Variants in ITGA8 observed in about 807,000 individuals in gnomAD.
The protein encoded by ITGA8 is integrin alpha-8.
ITGA8 carries 91 observed loss-of-function variants against 142.3 expected under a neutral mutation model. The observed-to-expected ratio is 0.64, with a 90% CI of 0.54 to 0.76. The LOEUF is 0.76. Ranked by LOEUF, ITGA8 falls within the 30% of genes least tolerant of loss-of-function variation. The pLI is 0.00. For missense variants in ITGA8, 1,406 were observed against 1,327.7 expected, an observed-to-expected ratio of 1.06 and a Z score of -0.92; for synonymous variants, 505 against 485.2, an observed-to-expected ratio of 1.04 and a Z score of -0.54.
chr10:15,715,622 T>C (rs568805428), intron 2 of ITGA8, among the ~76,000 whole-genome samples: 36 of 152,358 alleles, frequency 2.4e-4, no homozygotes, highest in African/African-American at 7.9e-4. Flanking sequence ...AGAAACAATG[T>C]GTGTACCGTG....
At chr10:15,517,354 G>C (rs970268716) in intron 29 of ITGA8, 110 bp from the exon 30 acceptor site, 1 of 617,210 alleles carries the variant, frequency 1.6e-6, no homozygotes. Context: ...ACTGAGTCTC[G>C]CTCTCTATTC....
intron 21 of ITGA8, among the ~76,000 whole-genome samples, chr10:15,596,005 C>T (rs1337624512): frequency 1.3e-5 from 2 of 152,166 alleles, no homozygotes; most frequent in African/African-American, 2.4e-5. Context: ...GAGCTAAGAT[C>T]GTGCCATTGC....
chr10:15,717,486 A>T (rs997894846), intron 2 of ITGA8, among the ~76,000 whole-genome samples: 7 of 152,210 alleles, frequency 4.6e-5, no homozygotes, highest in Non-Finnish European at 1.0e-4. Context: ...ATAACTAATT[A>T]AAAGATTTCT....
At chr10:15,637,124 G>A (rs951994619) in intron 13 of ITGA8, among the ~76,000 whole-genome samples, 10 of 152,172 alleles carry the variant, frequency 6.6e-5, no homozygotes, top group African/African-American at 2.4e-4. Flanking sequence ...CAACCTGGGC[G>A]ATAGAGTGAG....
intron 25 of ITGA8, 42 bp downstream of exon 25, chr10:15,572,169 A>G: frequency 6.7e-7 from 1 of 1,488,856 alleles, no homozygotes. Context: ...TCATACCATA[A>G]AAATAAAATC....
chr10:15,710,171 A>C (rs966851220), intron 2 of ITGA8, among the ~76,000 whole-genome samples: 1 of 152,194 alleles, frequency 6.6e-6, no homozygotes, highest in East Asian at 1.9e-4. Flanking sequence ...TTTTAATCAC[A>C]TTTCCCAAAG....
chr10:15,560,294 A>C (rs994059489), intron 25 of ITGA8, among the ~76,000 whole-genome samples: 1 of 152,202 alleles, frequency 6.6e-6, no homozygotes, highest in East Asian at 1.9e-4. Context: ...AAAAATAAAA[A>C]GAAAAAAAGA....
At position 15,696,376 on chromosome 10, in the gene ITGA8, A is replaced by C. The variant is rs1343982797; in HGVS notation, c.344-8338T>G. On this transcript the variant is annotated intron_variant, in intron 2 of 29. Coordinates refer to ENST00000378076, the MANE Select transcript of ITGA8 (RefSeq NM_003638.3). ...AAACCAAAGTGAAAATTTTTCAAGA[A>C]TAGGAGGAATATATGTAATATGTAA... Among the ~76,000 whole-genome samples, 3 of 152,232 alleles carry C rather than the reference A, an allele frequency of 2.0e-5. No homozygotes were observed. The East Asian group carries it at 5.8e-4, about 29-fold the overall frequency.
chr10:15,569,695 C>T (rs768188978), intron 25 of ITGA8, among the ~76,000 whole-genome samples: 24 of 152,158 alleles, frequency 1.6e-4, no homozygotes, highest in Admixed American at 2.6e-4. Flanking sequence ...CTACAAACAT[C>T]GCTGTGCCTG....
At chr10:15,671,567 C>G (rs779769721) in intron 8 of ITGA8, 36 bp downstream of exon 8, 1 of 1,571,214 alleles carries the variant, frequency 6.4e-7, no homozygotes, top group Non-Finnish European at 8.8e-7. Context: ...TTTCCCCATG[C>G]TTTATAAGTG....
In ITGA8 at chr10:15,515,221, A is replaced by C. The variant is rs945817256; in HGVS notation, c.*1937T>G. ...TCTACCTGGAAGACTAACACCAAAG[A>C]CCCCCAGAGGCTGGTGTGGACACCC... On this transcript the variant is annotated 3_prime_UTR_variant, in exon 30 of 30. Coordinates refer to ENST00000378076, the MANE Select transcript of ITGA8 (RefSeq NM_003638.3). The C allele has an allele frequency of 6.6e-6, 1 of 151,818 alleles. No homozygotes were observed. Among genetic ancestry groups the C allele is most frequent in the Admixed American group, 6.6e-5 (1 of 15,206 alleles). 9.4% of individuals were successfully genotyped at this position (151,818 alleles called of 1,614,324 possible).
In ITGA8 at chr10:15,535,231, G is replaced by A. The variant is rs576067206; in HGVS notation, c.2881-4080C>T. ...CTGAGCCTCCCCCCACCCTCCGTGG[G>A]CTCCTGTGCAGCCCGAGCCTCCCTG... On this transcript the variant is annotated intron_variant, in intron 27 of 29. Coordinates refer to ENST00000378076, the MANE Select transcript of ITGA8 (RefSeq NM_003638.3). Among the ~76,000 whole-genome samples, 7 of 152,198 alleles carry A rather than the reference G, an allele frequency of 4.6e-5. No individual in the cohort carries two copies. In the South Asian group the frequency reaches 6.2e-4, roughly 14 times the overall value.
chr10:15,664,532 A>ATTG (rs199681501), intron 8 of ITGA8, among the ~76,000 whole-genome samples: 5 of 150,468 alleles, frequency 3.3e-5, no homozygotes, highest in Non-Finnish European at 7.4e-5. Flanking sequence ...TATTATTATT[A>ATTG]TACTTTAAGT....
intron 20 of ITGA8, among the ~76,000 whole-genome samples, chr10:15,601,039 A>G (rs1370845889): frequency 6.6e-6 from 1 of 152,288 alleles, no homozygotes; most frequent in East Asian, 1.9e-4. Context: ...CAGGAGTTCA[A>G]GACCAGTCTA....
intron 4 of ITGA8, among the ~76,000 whole-genome samples, chr10:15,681,783 A>G (rs1322080201): frequency 6.6e-6 from 1 of 152,252 alleles, no homozygotes; most frequent in East Asian, 1.9e-4. Flanking sequence ...CAGCTTGTCC[A>G]TGAGCATATG....
rs1422916366 is a variant in ITGA8 at position 15,613,443 on chromosome 10, G to C, written c.1553+217C>G. 2.0e-5 allele frequency among the ~76,000 whole-genome samples: 3 copies of C among 152,158 alleles called. No homozygotes were observed. In the East Asian group the frequency reaches 5.8e-4, roughly 29 times the overall value. Reference sequence around the variant, plus strand: ...TTTGAATGGTAAGTCGATAGCCAAAGATCAGCATCATATCATAGGTTCTCT... The same window carrying C: ...TTTGAATGGTAAGTCGATAGCCAAACATCAGCATCATATCATAGGTTCTCT... On this transcript the variant is annotated intron_variant, in intron 15 of 29. Coordinates refer to ENST00000378076, the MANE Select transcript of ITGA8 (RefSeq NM_003638.3).
At chr10:15,687,004 T>C (rs1834843813) in intron 3 of ITGA8, among the ~76,000 whole-genome samples, 3 of 152,302 alleles carry the variant, frequency 2.0e-5, no homozygotes, top group Non-Finnish European at 2.9e-5. Context: ...ATAAGGCATA[T>C]ACCACCTTAA....
At chr10:15,591,724 C>A (rs1445176846) in intron 22 of ITGA8, among the ~76,000 whole-genome samples, 1 of 152,182 alleles carries the variant, frequency 6.6e-6, no homozygotes, top group African/African-American at 2.4e-5. Context: ...CTTATCATTG[C>A]TAGAGAAGGG....
Position 15,687,929 on chromosome 10 carries a change from C to T in ITGA8, c.444+9G>A, listed in dbSNP as rs761690371. On this transcript the variant is annotated intron_variant, in intron 3 of 29. Coordinates refer to ENST00000378076, the MANE Select transcript of ITGA8 (RefSeq NM_003638.3). ...AAAGCAGCAGCACAAGCCCACGGCT[C>T]ATACTCACCACAACTTTTCCTTTGT... The T allele has an allele frequency of 1.3e-6, 2 of 1,559,516 alleles. No individual in the cohort carries two copies. The highest frequency in any genetic ancestry group is 1.1e-5 in the South Asian group (1 of 89,960).
Sources: gnomAD v4.1 joint callset for allele counts (sites outside exome capture counted in the v4.1 genomes callset) on GRCh38, gnomAD v4.1.1 for gene constraint, MANE v1.5 for transcripts, NCBI Gene and HGNC (gene_info 2026-07-23, HGNC 2026-07-21) for gene names.